The following UBAP1L variants were observed in gnomAD, a reference collection of about 807,000 sequenced individuals.
UBAP1L encodes the protein ubiquitin-associated protein 1-like.
In UBAP1L, 32 loss-of-function variants were observed where a neutral mutation model predicts 32.1. That is an observed-to-expected ratio of 1.00 (90% CI 0.75 to 1.34). The LOEUF (loss-of-function observed/expected upper bound fraction) is 1.34, where lower values mean the gene tolerates loss of function less well. Ranked by LOEUF, UBAP1L falls within the 40% of genes most tolerant of loss-of-function variation. UBAP1L has a pLI of 0.00. For missense variants in UBAP1L, 516 were observed against 540.5 expected, an observed-to-expected ratio of 0.95 and a Z score of 0.45; for synonymous variants, 243 against 250.2, an observed-to-expected ratio of 0.97 and a Z score of 0.27.
chr15:65,099,104 A>C, intron 4 of UBAP1L: 1 of 179,188 alleles, frequency 5.6e-6, no homozygotes, highest in Non-Finnish European at 1.2e-5. Flanking sequence ...AGTGAACTCT[A>C]TTAGAAGAAT....
Position 65,094,465 on chromosome 15 carries a change from C to T in UBAP1L, c.1011+10G>A. 1.3e-6 allele frequency: 2 copies of T among 1,544,562 alleles called. No homozygotes were observed. Among genetic ancestry groups the T allele is most frequent in the South Asian group, 1.2e-5 (1 of 83,542 alleles). On this transcript the variant is annotated intron_variant, in intron 5 of 5. Coordinates refer to ENST00000559089, the MANE Select transcript of UBAP1L (RefSeq NM_001163692.2). This position sits in a 1 kb window ranked among gnomAD's most constrained non-coding sequence, Gnocchi z 4.2. Reference sequence around the variant, plus strand: ...CATCCCCTGGGGCCCTGGCAGGAAGCCCTGCTGACCTGGCTCTCGGAGAAC... The same window carrying T: ...CATCCCCTGGGGCCCTGGCAGGAAGTCCTGCTGACCTGGCTCTCGGAGAAC...
At position 65,094,493 on chromosome 15, in the gene UBAP1L, G is replaced by A; in HGVS notation, c.993C>T (p.Phe331=). Residue 331 remains phenylalanine, a synonymous_variant, in exon 5 of 6, where the codon TTC becomes TTT. Transcript: ENST00000559089. This position sits in a 1 kb window ranked among gnomAD's most constrained non-coding sequence, Gnocchi z 4.2. ...TGCTGACCTGGCTCTCGGAGAACTGGAACATCTCCATGGCCTCATCCACCA... is the reference window on the plus strand; with the variant it reads ...TGCTGACCTGGCTCTCGGAGAACTGAAACATCTCCATGGCCTCATCCACCA... The part of the protein sequence containing the change: ...EGLVDEAMEM[F]QFSESQAGEF... 6.4e-7 allele frequency: 1 copy of A among 1,550,996 alleles called. No individual in the cohort carries two copies. Among genetic ancestry groups the A allele is most frequent in the South Asian group, 1.2e-5 (1 of 84,038 alleles).
At chr15:65,105,904 C>A in intron 2 of UBAP1L, 192 bp downstream of exon 2, 1 of 765,230 alleles carries the variant, frequency 1.3e-6, no homozygotes, top group Non-Finnish European at 2.2e-6. Flanking sequence ...AATTCTCATG[C>A]CTCCACCTTC....
intron 1 of UBAP1L, among the ~76,000 whole-genome samples, chr15:65,110,652 T>C (rs1595924172): frequency 7.6e-6 from 1 of 131,254 alleles, no homozygotes; most frequent in African/African-American, 3.0e-5. Context: ...ACCACTGCAC[T>C]CCAGCCTGGG....
At chr15:65,114,151 T>C (rs977197346) in intron 1 of UBAP1L, among the ~76,000 whole-genome samples, 1 of 151,880 alleles carries the variant, frequency 6.6e-6, no homozygotes, top group African/African-American at 2.4e-5. Context: ...CGCAAAGTGC[T>C]GGGATTACAG....
Position 65,092,973 on chromosome 15 carries a change from T to A in UBAP1L, c.*124A>T. 7.8e-7 allele frequency: 1 copy of A among 1,278,800 alleles called. No individual in the cohort carries two copies. Among genetic ancestry groups the A allele is most frequent in the Non-Finnish European group, 1.0e-6 (1 of 956,308 alleles). The allele number at this position is 1,278,800 out of a possible 1,614,324, so 79.2% of individuals were successfully genotyped here. A position where few individuals can be genotyped will look rare whatever the true frequency, so the allele number is the denominator to read the frequency against. ...GTTAACTGTCACCCTTGGTATTATT[T>A]GTGTTTTTACAATAAGTATGCATCA... On this transcript the variant is annotated 3_prime_UTR_variant, in exon 6 of 6. Coordinates refer to ENST00000559089, the MANE Select transcript of UBAP1L (RefSeq NM_001163692.2).
At chr15:65,105,815 G>A (rs546338744) in intron 2 of UBAP1L, 20 of 708,910 alleles carry the variant, frequency 2.8e-5, no homozygotes, top group Admixed American at 7.2e-5. Flanking sequence ...TTTTTGAGAC[G>A]AAGTCTCACT....
intron 2 of UBAP1L, among the ~76,000 whole-genome samples, chr15:65,104,326 G>A (rs1017254557): frequency 1.2e-4 from 17 of 147,754 alleles, no homozygotes; most frequent in African/African-American, 3.9e-4. Flanking sequence ...GAGAGAAAGA[G>A]AAGAGAAGAG....
intron 4 of UBAP1L, chr15:65,096,566 G>A (rs1219360855): frequency 6.6e-6 from 1 of 152,262 alleles, no homozygotes; most frequent in Non-Finnish European, 1.5e-5. Flanking sequence ...GGGCCTGCAG[G>A]ACTGTAGAAG....
At chr15:65,112,568 C>T (rs553943459) in intron 1 of UBAP1L, among the ~76,000 whole-genome samples, 1 of 152,130 alleles carries the variant, frequency 6.6e-6, no homozygotes, top group Non-Finnish European at 1.5e-5. Flanking sequence ...GGGGCCCAGG[C>T]AATGACATTA....
chr15:65,103,992 T>C (rs1320617345), intron 2 of UBAP1L, among the ~76,000 whole-genome samples: 2 of 152,140 alleles, frequency 1.3e-5, no homozygotes, highest in Admixed American at 1.3e-4. Flanking sequence ...CGGTGGCTCA[T>C]GCCTGCGATC....
In UBAP1L at chr15:65,092,885, G is replaced by A. The variant is rs576379955; in HGVS notation, c.*212C>T. 2.1e-5 allele frequency: 13 copies of A among 631,518 alleles called. No individual in the cohort carries two copies. Among genetic ancestry groups the A allele is most frequent in the African/African-American group, 7.4e-5 (4 of 53,792 alleles). The allele number at this position is 631,518 out of a possible 1,614,324, so 39.1% of individuals were successfully genotyped here. A position where few individuals can be genotyped will look rare whatever the true frequency, so the allele number is the denominator to read the frequency against. ...GCATGAAGAACATAGCTCCCCGTCC[G>A]GCTCTCCCATCTGCCCCTCTGCAGA... On this transcript the variant is annotated 3_prime_UTR_variant, in exon 6 of 6. Coordinates refer to ENST00000559089, the MANE Select transcript of UBAP1L (RefSeq NM_001163692.2).
At chr15:65,093,296 C>T in intron 5 of UBAP1L, 65 bp from the exon 6 acceptor site, 3 of 1,459,264 alleles carry the variant, frequency 2.1e-6, no homozygotes, top group Admixed American at 2.8e-5. Context: ...CCATGGGGAG[C>T]CCCAGCTCCA....
chr15:65,104,972 ACT>A (rs2087289222), intron 2 of UBAP1L: 1 of 287,448 alleles, frequency 3.5e-6, no homozygotes, highest in Non-Finnish European at 7.0e-6. Flanking sequence ...GCGCCACTGC[ACT>A]CCAGCCTGGT....
intron 1 of UBAP1L, among the ~76,000 whole-genome samples, chr15:65,107,978 T>C (rs1253498032): frequency 6.6e-6 from 1 of 152,128 alleles, no homozygotes; most frequent in African/African-American, 2.4e-5. Context: ...ACTTTTTTTT[T>C]TGGTAGAAAT....
intron 2 of UBAP1L, chr15:65,105,511 G>A (rs1419152541): frequency 6.5e-6 from 3 of 458,634 alleles, no homozygotes; most frequent in Non-Finnish European, 1.2e-5. Context: ...CTTTCCCTAA[G>A]TGGCCTGAGG....
In UBAP1L at chr15:65,094,546, G is replaced by C. The variant is rs2087152821; in HGVS notation, c.940C>G (p.Leu314Val). ...FLSYLSACDR[L>V]LRQGYEEGLV... is the part of the protein sequence containing the mutation. ...CCTTCCTCATATCCCTGACGTAACA[G>C]GCGGTCACAGGCACTGAGGTAGCTG... The change falls in exon 5 of 6, where the codon CTG becomes GTG. Residue 314 changes from leucine to valine, a missense_variant. By Grantham distance (32) the Leu-to-Val change is conservative. Transcript: ENST00000559089. The surrounding 1 kb of genome is among the most constrained non-coding windows in gnomAD (Gnocchi z 4.2). 2 of 1,551,426 alleles carry C rather than the reference G, an allele frequency of 1.3e-6. No homozygotes were observed. The highest frequency in any genetic ancestry group is 1.7e-6 in the Non-Finnish European group (2 of 1,146,992).
At chr15:65,110,046 T>C (rs755146615) in intron 1 of UBAP1L, among the ~76,000 whole-genome samples, 2 of 152,230 alleles carry the variant, frequency 1.3e-5, no homozygotes, top group Non-Finnish European at 2.9e-5. Context: ...ACATTAAATA[T>C]TGAGTCTGTT....
chr15:65,112,577 T>TA (rs2087375449), intron 1 of UBAP1L, among the ~76,000 whole-genome samples: 1 of 152,186 alleles, frequency 6.6e-6, no homozygotes. Flanking sequence ...GCAATGACAT[T>TA]AGTATTGTTT....
Sources: gnomAD v4.1 joint callset for allele counts (sites outside exome capture counted in the v4.1 genomes callset) on GRCh38, gnomAD v4.1.1 for gene constraint, Gnocchi (gnomAD v3.1) non-coding constraint, MANE v1.5 for transcripts, NCBI Gene and HGNC (gene_info 2026-07-23, HGNC 2026-07-21) for gene names.